Variants in GRB10 observed in about 807,000 individuals in gnomAD.
GRB10 encodes the protein growth factor receptor bound protein 10.
A neutral mutation model predicts 80.9 loss-of-function variants in GRB10; 20 were observed. That is an observed-to-expected ratio of 0.25 (90% CI 0.17 to 0.36). GRB10 has a LOEUF of 0.36. Ranked by LOEUF, GRB10 falls within the 10% of genes least tolerant of loss-of-function variation. GRB10 has a pLI of 1.00. For missense variants in GRB10, 548 were observed against 747.7 expected (o/e 0.73, Z 3.12); for synonymous variants, 291 against 291.5 (o/e 1.00, Z 0.02).
intron 1 of GRB10, chr7:50,792,495 G>A (rs1433190866): frequency 7.5e-6 from 3 of 398,598 alleles, no homozygotes; most frequent in East Asian, 3.6e-5. Context: ...GGCGTTTGGA[G>A]AGGCAATCAG....
Position 50,592,923 on chromosome 7 carries a change from C to T in GRB10, c.*29G>A. 2 of 1,613,562 alleles carry T rather than the reference C, an allele frequency of 1.2e-6. No individual in the cohort carries two copies. The highest frequency in any genetic ancestry group is 1.7e-6 in the Non-Finnish European group (2 of 1,179,540). ...TTCTTCACTCCAGTGTTCACTTCCT[C>T]CAGTCTTCAGCCGAGAGGACATCTG... On this transcript the variant is annotated 3_prime_UTR_variant, in exon 19 of 19. Transcript: ENST00000401949.
At chr7:50,760,201 C>T (rs1376845605) in intron 2 of GRB10, among the ~76,000 whole-genome samples, 1 of 152,180 alleles carries the variant, frequency 6.6e-6, no homozygotes, top group Non-Finnish European at 1.5e-5. Context: ...CGGTGAGAGG[C>T]AGGATAAATA....
chr7:50,668,180 C>T (rs73346826), intron 7 of GRB10, among the ~76,000 whole-genome samples: 2,159 of 152,180 alleles, frequency 0.014, 49 homozygotes, highest in African/African-American at 0.046. Flanking sequence ...GAGGTCAGAA[C>T]GGGACCCACA....
chr7:50,695,618 G>A (rs2063339168), intron 5 of GRB10, among the ~76,000 whole-genome samples: 1 of 152,088 alleles, frequency 6.6e-6, no homozygotes, highest in Non-Finnish European at 1.5e-5. Flanking sequence ...AGTTCTAATG[G>A]CTCCTTTTGC....
At chr7:50,686,551 C>T (rs1247399331) in intron 5 of GRB10, among the ~76,000 whole-genome samples, 1 of 152,154 alleles carries the variant, frequency 6.6e-6, no homozygotes, top group South Asian at 2.1e-4. Flanking sequence ...AAGTATGGAA[C>T]AAGCACAGGG....
At chr7:50,746,713 T>A (rs2072974295) in intron 3 of GRB10, among the ~76,000 whole-genome samples, 1 of 152,078 alleles carries the variant, frequency 6.6e-6, no homozygotes, top group Non-Finnish European at 1.5e-5. Flanking sequence ...CCCACCCTTT[T>A]CAGTGCAGCA....
intron 4 of GRB10, chr7:50,726,825 G>A (rs2068732063): frequency 1.3e-5 from 2 of 152,120 alleles, no homozygotes; most frequent in African/African-American, 2.4e-5. Context: ...TAATTCTGAG[G>A]AGGAGATTTT....
chr7:50,708,944 G>A (rs2065450119), intron 4 of GRB10, among the ~76,000 whole-genome samples: 1 of 152,176 alleles, frequency 6.6e-6, no homozygotes, highest in African/African-American at 2.4e-5. Flanking sequence ...AAAGTGCTGG[G>A]ATTACAGGCG....
chr7:50,729,497 AAG>A (rs1389126679), intron 4 of GRB10: 2 of 152,210 alleles, frequency 1.3e-5, no homozygotes, highest in East Asian at 3.9e-4. Context: ...GTTAAGAATT[AAG>A]AGTTTTGGGG....
At chr7:50,761,358 A>C (rs1226729828) in intron 2 of GRB10, among the ~76,000 whole-genome samples, 2 of 152,242 alleles carry the variant, frequency 1.3e-5, no homozygotes, top group Admixed American at 1.3e-4. Flanking sequence ...ATTTCCTTTT[A>C]GGGAAAAGAA....
At chr7:50,684,577 G>C (rs1414813036) in intron 5 of GRB10, among the ~76,000 whole-genome samples, 1 of 147,282 alleles carries the variant, frequency 6.8e-6, no homozygotes. Context: ...GCACCATAGA[G>C]CCTATACAAC....
intron 5 of GRB10, among the ~76,000 whole-genome samples, chr7:50,689,996 G>GAA (rs781688968): frequency 3.7e-5 from 5 of 136,958 alleles, no homozygotes; most frequent in Non-Finnish European, 6.4e-5. Flanking sequence ...GGTTAAAAAG[G>GAA]AAAAAAAAAA....
chr7:50,749,111 T>G (rs1159577959), intron 3 of GRB10, among the ~76,000 whole-genome samples: 1 of 118,914 alleles, frequency 8.4e-6, no homozygotes, highest in Non-Finnish European at 1.9e-5. Flanking sequence ...TGGGTTTTTT[T>G]GTTTTGTTTT....
intron 3 of GRB10, among the ~76,000 whole-genome samples, chr7:50,746,787 G>GC (rs909229531): frequency 2.3e-4 from 35 of 151,814 alleles, no homozygotes; most frequent in African/African-American, 7.5e-4. Context: ...CCCAGTCTCT[G>GC]CCCCCCGGGC....
rs1018672924 is a variant in GRB10 at position 50,592,753 on chromosome 7, C to T, written c.*199G>A. The stretch of plus-strand genomic sequence containing the variant: ...CCAATTTGGCCGATGCAGAGGGAGG[C>T]GACCCTGCTGGGTTCACAGCAGCAA... On this transcript the variant is annotated 3_prime_UTR_variant, in exon 19 of 19. Coordinates refer to ENST00000401949, the MANE Select transcript of GRB10 (RefSeq NM_001350814.2). 1.9e-5 allele frequency: 12 copies of T among 630,414 alleles called. No individual in the cohort carries two copies. The highest frequency in any genetic ancestry group is 1.1e-4 in the African/African-American group (6 of 55,024). 39.1% of individuals were successfully genotyped at this position (630,414 alleles called of 1,614,324 possible).
chr7:50,607,026 A>C (rs904946753), intron 13 of GRB10: 1 of 153,632 alleles, frequency 6.5e-6, no homozygotes, highest in Non-Finnish European at 1.4e-5. Context: ...CACAACGAAA[A>C]ATACTCCAGA....
intron 17 of GRB10, among the ~76,000 whole-genome samples, chr7:50,601,500 C>T (rs1322323802): frequency 1.3e-5 from 2 of 152,108 alleles, no homozygotes; most frequent in Admixed American, 1.3e-4. Context: ...AGGTAACCTG[C>T]CTGGATTAAT....
At chr7:50,759,534 T>G (rs2153704665) in intron 2 of GRB10, among the ~76,000 whole-genome samples, 1 of 150,128 alleles carries the variant, frequency 6.7e-6, no homozygotes, top group East Asian at 1.9e-4. Context: ...ATTTCTAGAT[T>G]AATTACAATA....
intron 7 of GRB10, among the ~76,000 whole-genome samples, chr7:50,639,700 GT>G (rs2055847509): frequency 6.6e-6 from 1 of 151,696 alleles, no homozygotes; most frequent in Non-Finnish European, 1.5e-5. Context: ...GTCAACCATG[GT>G]TTTCAGAGAC....
Sources: gnomAD v4.1 joint callset for allele counts (sites outside exome capture counted in the v4.1 genomes callset) on GRCh38, gnomAD v4.1.1 for gene constraint, MANE v1.5 for transcripts, NCBI Gene and HGNC (gene_info 2026-07-23, HGNC 2026-07-21) for gene names.